ZNF41: variants seen among roughly 807,000 people sequenced by gnomAD.
The protein encoded by ZNF41 is zinc finger protein 41.
ZNF41 carries 6 observed loss-of-function variants against 9.3 expected under a neutral mutation model. The ratio of observed to expected loss-of-function variants is 0.65; its 90% CI spans 0.35 to 1.28. The LOEUF (loss-of-function observed/expected upper bound fraction) is 1.28. ZNF41 is among the 50% of genes most tolerant of loss of function. The pLI is 0.03. For synonymous variants in ZNF41, 192 were observed against 207.1 expected (o/e 0.93, Z 0.63); for missense variants, 523 against 585.8 (o/e 0.89, Z 1.11).
chrX:47,452,062 G>A (rs1032083687), intron 4 of ZNF41, among the ~76,000 whole-genome samples: 1 of 111,708 alleles, frequency 9.0e-6, no homozygotes, highest in Non-Finnish European at 1.9e-5. Flanking sequence ...AGGATGAGGA[G>A]GGTTTGCTTC....
At chrX:47,450,988 C>G (rs1303748933) in intron 4 of ZNF41, among the ~76,000 whole-genome samples, 3 of 112,121 alleles carry the variant, frequency 2.7e-5, no homozygotes, top group African/African-American at 9.7e-5. Flanking sequence ...TGTGCATATC[C>G]AAAATGTATT....
chrX:47,458,106 A>G (rs1224518810), intron 2 of ZNF41, among the ~76,000 whole-genome samples: 2 of 111,397 alleles, frequency 1.8e-5, no homozygotes, highest in Admixed American at 9.7e-5. Context: ...GGGCTATTAT[A>G]GAGGTAAGAT....
chrX:47,476,518 G>T (rs1458254361), intron 1 of ZNF41, among the ~76,000 whole-genome samples: 2 of 111,800 alleles, frequency 1.8e-5, no homozygotes, highest in East Asian at 5.6e-4. Context: ...GATTTGAATA[G>T]ATATTTCTTC....
chrX:47,445,995 A>C lies in ZNF41; in HGVS notation c.*1435T>G, dbSNP rs1429706370. ...GTATACCCTTGGGGGCTTGCCTGGAAGGGAAAGTGGGGAAGGCTTCTGGGG... is the reference window on the plus strand; with the variant it reads ...GTATACCCTTGGGGGCTTGCCTGGACGGGAAAGTGGGGAAGGCTTCTGGGG... On this transcript the variant is annotated 3_prime_UTR_variant, in exon 5 of 5. Transcript: ENST00000684689. The C allele has an allele frequency of 9.0e-6, 1 of 111,403 alleles. No individual in the cohort carries two copies. The highest frequency in any genetic ancestry group is 3.3e-5 in the African/African-American group (1 of 30,688). The allele number at this position is 111,403 out of a possible 1,213,427, so 9.2% of individuals were successfully genotyped here. A position where few individuals can be genotyped will look rare whatever the true frequency, so the allele number is the denominator to read the frequency against.
chrX:47,450,771 C>T (rs1315183968), intron 4 of ZNF41, among the ~76,000 whole-genome samples: 1 of 111,297 alleles, frequency 9.0e-6, no homozygotes, highest in African/African-American at 3.3e-5. Flanking sequence ...TTTCCTCTTC[C>T]CTCTTCCCAC....
chrX:47,459,742 T>TAAAAAAAAA (rs768291943), intron 2 of ZNF41, among the ~76,000 whole-genome samples: 1 of 16,154 alleles, frequency 6.2e-5, no homozygotes, highest in African/African-American at 2.5e-4. Flanking sequence ...AGACCCTATC[T>TAAAAAAAAA]AAAAAAAAAA....
intron 1 of ZNF41, among the ~76,000 whole-genome samples, chrX:47,480,652 T>C (rs1906129928): frequency 9.2e-6 from 1 of 108,622 alleles, no homozygotes; most frequent in Non-Finnish European, 1.9e-5. Context: ...TATAGGTTAA[T>C]ATTCACAAAT....
chrX:47,471,399 A>G (rs1042950589), intron 1 of ZNF41, among the ~76,000 whole-genome samples: 3 of 109,261 alleles, frequency 2.7e-5, no homozygotes, highest in African/African-American at 1.0e-4. Context: ...CAGTGAGCTG[A>G]GATCTCACCA....
At chrX:47,478,912 C>A (rs759118944) in intron 1 of ZNF41, among the ~76,000 whole-genome samples, 1 of 110,598 alleles carries the variant, frequency 9.0e-6, no homozygotes, top group Admixed American at 9.7e-5. Flanking sequence ...CCAGCCTGGG[C>A]GACAGAGTGA....
intron 1 of ZNF41, among the ~76,000 whole-genome samples, chrX:47,473,077 G>A (rs945191766): frequency 9.1e-6 from 1 of 110,378 alleles, no homozygotes; most frequent in Admixed American, 9.8e-5. Context: ...AGCCAGGAGT[G>A]CAGTGGCATG....
intron 4 of ZNF41, among the ~76,000 whole-genome samples, chrX:47,451,042 G>A (rs2056344474): frequency 8.9e-6 from 1 of 112,233 alleles, no homozygotes; most frequent in Non-Finnish European, 1.9e-5. Flanking sequence ...CCTCTAGGGA[G>A]CTTATGTTTG....
intron 4 of ZNF41, among the ~76,000 whole-genome samples, chrX:47,452,622 T>C (rs1204965735): frequency 8.9e-6 from 1 of 112,198 alleles, no homozygotes; most frequent in African/African-American, 3.2e-5. Flanking sequence ...CTTCAGAGTT[T>C]CTTTTTTTGC....
chrX:47,460,318 A>T (rs1466070851), intron 2 of ZNF41, among the ~76,000 whole-genome samples: 1 of 112,207 alleles, frequency 8.9e-6, no homozygotes, highest in Non-Finnish European at 1.9e-5. Flanking sequence ...AAAGGCAAAA[A>T]CTATAAAGCC....
rs190304406 is a variant in ZNF41, at chrX:47,460,075, G to A, written c.73-3677C>T. Reference sequence around the variant, plus strand: ...CAGCCTGGGCAATATGGCGAGACTCGGTCTCTACAAAAAAATAAAATATAT... The same window carrying A: ...CAGCCTGGGCAATATGGCGAGACTCAGTCTCTACAAAAAAATAAAATATAT... On this transcript the variant is annotated intron_variant, in intron 2 of 4. Coordinates refer to ENST00000684689, the MANE Select transcript of ZNF41 (RefSeq NM_001324144.2). Among the ~76,000 whole-genome samples the A allele has an allele frequency of 3.0e-4, 33 of 111,119 alleles. No homozygotes were observed. In the East Asian group the frequency reaches 6.2e-3, roughly 21 times the overall value.
chrX:47,466,107 T>C (rs2056974594), intron 2 of ZNF41, among the ~76,000 whole-genome samples: 1 of 111,782 alleles, frequency 8.9e-6, no homozygotes, highest in Non-Finnish European at 1.9e-5. Context: ...TGGTTAACTT[T>C]GGGTAATGTT....
Position 47,448,228 on chromosome X carries a change from C to T in ZNF41, c.1542G>A (p.Gln514=). The T allele has an allele frequency of 8.3e-7, 1 of 1,211,693 alleles. No homozygotes were observed. The highest frequency in any genetic ancestry group is 1.1e-6 in the Non-Finnish European group (1 of 895,537). The change falls in exon 5 of 5, where the codon CAG becomes CAA. Residue 514 remains glutamine (Q), a synonymous_variant. Transcript: ENST00000684689. ...FTHRTNLTTH[Q]KTHTGEKPYM... ...AGGGTTTTTCCCCAGTATGAGTTTT[C>T]TGATGTGTGGTGAGGTTTGTCCTGT...
intron 1 of ZNF41, among the ~76,000 whole-genome samples, chrX:47,478,233 C>T (rs1475951056): frequency 1.8e-5 from 2 of 112,204 alleles, no homozygotes; most frequent in Non-Finnish European, 3.8e-5. Context: ...ACGCCACATG[C>T]GGTGGCTCAC....
Position 47,447,299 on chromosome X carries a change from T to A in ZNF41, c.*131A>T. ...TGAAGGATACTTGGCTCTGTTTGCCTTCAGTTCACTCAAGCCTCAGTCTCT... is the reference window on the plus strand; with the variant it reads ...TGAAGGATACTTGGCTCTGTTTGCCATCAGTTCACTCAAGCCTCAGTCTCT... On this transcript the variant is annotated 3_prime_UTR_variant, in exon 5 of 5. Coordinates refer to ENST00000684689, the MANE Select transcript of ZNF41 (RefSeq NM_001324144.2). 1 of 923,357 alleles carries A rather than the reference T, an allele frequency of 1.1e-6. No homozygotes were observed. The allele number at this position is 923,357 out of a possible 1,213,427, so 76.1% of individuals were successfully genotyped here. A position where few individuals can be genotyped will look rare whatever the true frequency, so the allele number is the denominator to read the frequency against.
At chrX:47,458,345 G>A (rs2056649465) in intron 2 of ZNF41, among the ~76,000 whole-genome samples, 1 of 111,971 alleles carries the variant, frequency 8.9e-6, no homozygotes, top group African/African-American at 3.2e-5. Context: ...AATGTAATCA[G>A]TACATGTAAG....
Sources: gnomAD v4.1 joint callset for allele counts (sites outside exome capture counted in the v4.1 genomes callset) on GRCh38, gnomAD v4.1.1 for gene constraint, MANE v1.5 for transcripts, NCBI Gene and HGNC (gene_info 2026-07-23, HGNC 2026-07-21) for gene names.